The following SLC30A7 variants were observed in gnomAD, a reference collection of about 807,000 sequenced individuals.
SLC30A7 encodes the protein solute carrier family 30 member 7.
In SLC30A7, 35 loss-of-function variants were observed where a neutral mutation model predicts 46.0. The observed-to-expected ratio is 0.76, with a 90% CI of 0.58 to 1.01. The LOEUF (loss-of-function observed/expected upper bound fraction) is 1.01. SLC30A7 is among the 50% of genes least tolerant of loss of function. The pLI is 0.00. For synonymous variants in SLC30A7, 147 were observed against 157.8 expected (o/e 0.93, Z 0.51); for missense variants, 464 against 451.1 (o/e 1.03, Z -0.26).
chr1:100,962,963 A>G (rs1158117790), intron 9 of SLC30A7, among the ~76,000 whole-genome samples: 1 of 152,170 alleles, frequency 6.6e-6, no homozygotes, highest in African/African-American at 2.4e-5. Flanking sequence ...GTAGATGGTA[A>G]TGCCACTTAC....
chr1:100,907,014 C>T (rs1557975521), intron 3 of SLC30A7, 49 bp downstream of exon 3: 13 of 1,161,756 alleles, frequency 1.1e-5, no homozygotes, highest in Non-Finnish European at 1.6e-5. Context: ...AAGATATACA[C>T]AAAAAAACAC....
intron 3 of SLC30A7, among the ~76,000 whole-genome samples, chr1:100,909,394 A>T (rs1025729162): frequency 2.6e-5 from 4 of 152,146 alleles, no homozygotes; most frequent in Admixed American, 1.3e-4. Context: ...AAGACAGCTT[A>T]AAAGTAATAT....
intron 7 of SLC30A7, among the ~76,000 whole-genome samples, chr1:100,920,359 A>C (rs549679640): frequency 1.7e-4 from 26 of 152,076 alleles, no homozygotes; most frequent in African/African-American, 5.1e-4. Context: ...AACATTATTA[A>C]CCTATTTAAT....
At chr1:100,960,229 A>T (rs1205800470) in intron 8 of SLC30A7, among the ~76,000 whole-genome samples, 1 of 152,094 alleles carries the variant, frequency 6.6e-6, no homozygotes, top group Non-Finnish European at 1.5e-5. Flanking sequence ...GTTAGACACC[A>T]GTTATTTCTA....
intron 6 of SLC30A7, among the ~76,000 whole-genome samples, chr1:100,914,823 AT>A (rs1652373570): frequency 1.3e-5 from 2 of 151,922 alleles, no homozygotes; most frequent in African/African-American, 4.8e-5. Flanking sequence ...AGTCTTTGAA[AT>A]TTTTCCATGA....
chr1:100,919,215 T>A (rs76263250), intron 7 of SLC30A7, among the ~76,000 whole-genome samples: 1 of 151,526 alleles, frequency 6.6e-6, no homozygotes, highest in African/African-American at 2.4e-5. Context: ...ATTATAGTAA[T>A]TTTTTTTTGT....
intron 8 of SLC30A7, among the ~76,000 whole-genome samples, chr1:100,928,515 A>C (rs1209839738): frequency 6.6e-6 from 1 of 152,140 alleles, no homozygotes; most frequent in East Asian, 1.9e-4. Flanking sequence ...ATATAGAAAA[A>C]GATAAGGAAA....
At chr1:100,940,391 AAG>A (rs1654267638) in intron 8 of SLC30A7, among the ~76,000 whole-genome samples, 1 of 152,192 alleles carries the variant, frequency 6.6e-6, no homozygotes, top group Non-Finnish European at 1.5e-5. Context: ...GAAAATCAGT[AAG>A]AGAAAAGATT....
chr1:100,919,609 C>T (rs558647734), intron 7 of SLC30A7, among the ~76,000 whole-genome samples: 2 of 152,194 alleles, frequency 1.3e-5, no homozygotes, highest in East Asian at 3.9e-4. Context: ...ATATCAAGTA[C>T]TATAAATTAG....
chr1:100,923,297 TGAGCCACCGCGCCCAGCC>T (rs1438748287), intron 8 of SLC30A7, among the ~76,000 whole-genome samples: 14 of 151,750 alleles, frequency 9.2e-5, no homozygotes, highest in East Asian at 1.9e-4. Flanking sequence ...ATTACAGGCG[TGAGCCACCGCGCCCAGCC>T]TAGAATAGAT....
chr1:100,989,904 C>CA, the SLC30A7 span: 1 of 153,998 alleles, frequency 6.5e-6, no homozygotes, highest in Non-Finnish European at 1.4e-5. Flanking sequence ...GGAAAAAACT[C>CA]ACTGCCACAA....
chr1:100,957,408 A>G (rs1655287106), intron 8 of SLC30A7, among the ~76,000 whole-genome samples: 1 of 152,134 alleles, frequency 6.6e-6, no homozygotes, highest in African/African-American at 2.4e-5. Flanking sequence ...AACAATTTAT[A>G]TTTTCTTTCA....
At chr1:100,950,872 C>T (rs1020198328) in intron 8 of SLC30A7, among the ~76,000 whole-genome samples, 5 of 152,102 alleles carry the variant, frequency 3.3e-5, no homozygotes, top group African/African-American at 1.2e-4. Context: ...GGGAGGTGAT[C>T]CTAACAAACA....
At chr1:100,995,036 G>T in the SLC30A7 span, 1 of 1,056,212 alleles carries the variant, frequency 9.5e-7, no homozygotes, top group Non-Finnish European at 1.4e-6. Flanking sequence ...TAGAACTCAG[G>T]TCATTTAAGT....
intron 10 of SLC30A7, among the ~76,000 whole-genome samples, chr1:100,971,848 C>T (rs1211956171): frequency 6.6e-6 from 1 of 152,086 alleles, no homozygotes; most frequent in African/African-American, 2.4e-5. Context: ...TTTCTATAGT[C>T]ATATTCCCGT....
At position 100,976,006 on chromosome 1, in the gene SLC30A7, A is replaced by G. The variant is rs1656473694; in HGVS notation, c.*1149A>G. 6.6e-6 allele frequency: 1 copy of G among 152,546 alleles called. No homozygotes were observed. Among genetic ancestry groups the G allele is most frequent in the African/African-American group, 2.4e-5 (1 of 41,418 alleles). The allele number at this position is 152,546 out of a possible 1,614,324, so 9.4% of individuals were successfully genotyped here. ...ATCTTCACAGAAAATAAAAGGTGTTAATTTGCTTTTTAAAACAAATTTAAT... is the reference window on the plus strand; with the variant it reads ...ATCTTCACAGAAAATAAAAGGTGTTGATTTGCTTTTTAAAACAAATTTAAT... On this transcript the variant is annotated 3_prime_UTR_variant, in exon 11 of 11. Transcript: ENST00000357650.
At chr1:100,954,021 G>A (rs1169311890) in intron 8 of SLC30A7, among the ~76,000 whole-genome samples, 5 of 152,194 alleles carry the variant, frequency 3.3e-5, no homozygotes, top group African/African-American at 7.2e-5. Flanking sequence ...CTGTTATTGT[G>A]AAGGGTTGAA....
intron 8 of SLC30A7, among the ~76,000 whole-genome samples, chr1:100,944,937 C>T (rs987928759): frequency 7.2e-5 from 11 of 152,144 alleles, no homozygotes; most frequent in Admixed American, 2.0e-4. Flanking sequence ...TCTCCACAAC[C>T]TCTCCAACAT....
rs1656849165 is a variant in SLC30A7 at position 100,980,292 on chromosome 1, T to A, written c.*5435T>A. ...GCAGGAGAAGGATAAGTAGATTTGA[T>A]TTACATCACATTTTATACACACCTT... On this transcript the variant is annotated 3_prime_UTR_variant, in exon 11 of 11. Coordinates refer to ENST00000357650, the MANE Select transcript of SLC30A7 (RefSeq NM_133496.5). 6.6e-6 allele frequency: 1 copy of A among 152,126 alleles called. No individual in the cohort carries two copies. Among genetic ancestry groups the A allele is most frequent in the Non-Finnish European group, 1.5e-5 (1 of 67,974 alleles). 9.4% of individuals were successfully genotyped at this position (152,126 alleles called of 1,614,324 possible). A position where few individuals can be genotyped will look rare whatever the true frequency, so the allele number is the denominator to read the frequency against.
Sources: allele counts gnomAD v4.1 joint callset (sites outside exome capture counted in the v4.1 genomes callset), GRCh38; gene constraint gnomAD v4.1.1; transcripts MANE v1.5; gene names NCBI Gene and HGNC (gene_info 2026-07-23, HGNC 2026-07-21).